Variants in FSIP1 observed in about 807,000 individuals in gnomAD.
FSIP1 encodes fibrous sheath-interacting protein 1.
FSIP1 carries 65 observed loss-of-function variants against 60.9 expected under a neutral mutation model. The observed-to-expected ratio is 1.07, with a 90% CI of 0.87 to 1.31. FSIP1 has a LOEUF of 1.31. Among genes scored for constraint, FSIP1 ranks in the 40% most tolerant of loss-of-function variants. FSIP1 has a pLI of 0.00. For missense variants in FSIP1, 675 were observed against 665.5 expected, an observed-to-expected ratio of 1.01 and a Z score of -0.16; for synonymous variants, 209 against 221.2, an observed-to-expected ratio of 0.94 and a Z score of 0.49.
chr15:39,731,277 T>C (rs948166231), intron 8 of FSIP1, among the ~76,000 whole-genome samples: 4 of 152,058 alleles, frequency 2.6e-5, no homozygotes, highest in African/African-American at 4.8e-5. Context: ...TGCTCTCCCT[T>C]GAAAATAAAC....
At chr15:39,624,549 T>C (rs778785772) in intron 10 of FSIP1, among the ~76,000 whole-genome samples, 1 of 150,380 alleles carries the variant, frequency 6.6e-6, no homozygotes, top group Non-Finnish European at 1.5e-5. Flanking sequence ...GGGGGAAAAA[T>C]AATTGGTGTT....
chr15:39,681,517 G>A (rs1273109369), intron 10 of FSIP1, among the ~76,000 whole-genome samples: 1 of 152,030 alleles, frequency 6.6e-6, no homozygotes, highest in Admixed American at 6.6e-5. Flanking sequence ...GATTAAAAGT[G>A]TCAAAGTGCT....
At chr15:39,760,441 CA>C (rs1410265447) in intron 5 of FSIP1, among the ~76,000 whole-genome samples, 1 of 152,068 alleles carries the variant, frequency 6.6e-6, no homozygotes, top group African/African-American at 2.4e-5. Context: ...CAAGGTGAAA[CA>C]TTACCAATAA....
intron 8 of FSIP1, among the ~76,000 whole-genome samples, chr15:39,728,006 AG>A (rs1473909651): frequency 6.6e-6 from 1 of 152,216 alleles, no homozygotes; most frequent in Non-Finnish European, 1.5e-5. Flanking sequence ...CCAAGCTGAG[AG>A]CCAAATCAAG....
Position 39,694,287 on chromosome 15 carries a change from T to A in FSIP1, c.1188+19157A>T, listed in dbSNP as rs182163609. 3.5e-3 allele frequency among the ~76,000 whole-genome samples: 532 copies of A among 152,282 alleles called. 3 individuals carry two copies. Among genetic ancestry groups the A allele is most frequent in the African/African-American group, 0.012 (508 of 41,564 alleles). ...CTATGAGTTATCACTAGGAATTCCC[T>A]AACTCAGTATCAAGAATATAGAAAT... On this transcript the variant is annotated intron_variant, in intron 10 of 11. Transcript: ENST00000350221.
chr15:39,780,776 A>T (rs1398727321), intron 1 of FSIP1, among the ~76,000 whole-genome samples: 1 of 152,208 alleles, frequency 6.6e-6, no homozygotes, highest in African/African-American at 2.4e-5. Context: ...TGTAGTAAAG[A>T]CAGGTTTCAC....
chr15:39,679,398 C>G (rs1894071578), intron 10 of FSIP1, among the ~76,000 whole-genome samples: 1 of 152,168 alleles, frequency 6.6e-6, no homozygotes, highest in Non-Finnish European at 1.5e-5. Flanking sequence ...TGGTCATAGG[C>G]TCAGCTACTA....
At chr15:39,742,921 G>C (rs1326224058) in intron 5 of FSIP1, among the ~76,000 whole-genome samples, 1 of 151,936 alleles carries the variant, frequency 6.6e-6, no homozygotes, top group Admixed American at 6.6e-5. Context: ...GGGAGAGAGG[G>C]GTAAACTACT....
intron 10 of FSIP1, among the ~76,000 whole-genome samples, chr15:39,673,953 TAG>T (rs924079577): frequency 5.3e-5 from 8 of 152,028 alleles, no homozygotes; most frequent in Non-Finnish European, 1.2e-4. Flanking sequence ...GTCATATAAA[TAG>T]ATTCATAAAA....
chr15:39,714,462 A>AT (rs1237450386), intron 9 of FSIP1, among the ~76,000 whole-genome samples: 1 of 149,970 alleles, frequency 6.7e-6, no homozygotes, highest in Non-Finnish European at 1.5e-5. Context: ...CTACTCCCTC[A>AT]TTCCTTACAT....
intron 1 of FSIP1, among the ~76,000 whole-genome samples, chr15:39,778,606 T>C (rs981823209): frequency 2.8e-4 from 42 of 152,282 alleles, no homozygotes; most frequent in Admixed American, 7.8e-4. Context: ...AAATAAAGCA[T>C]TGTACAAGAA....
intron 1 of FSIP1, among the ~76,000 whole-genome samples, chr15:39,782,252 T>A (rs1431564462): frequency 6.6e-6 from 1 of 152,240 alleles, no homozygotes; most frequent in Non-Finnish European, 1.5e-5. Context: ...AAGTTGAGTC[T>A]CTAATCAATT....
Position 39,770,596 on chromosome 15 carries a change from G to T in FSIP1, c.141C>A (p.Ser47Arg). Residue 47 changes from serine to arginine, a missense_variant, in exon 3 of 12, where the codon AGC becomes AGA. By Grantham distance (110) the Ser-to-Arg change is moderately radical. Transcript: ENST00000350221. ...GGTCCTCTTTACCAGAGTTCAAGTT[G>T]CTTGCAGTATCGACCTAAAAATAAT... ...EPGSFKVDTA[S>R]NLNSGKEDHS... 1.3e-6 allele frequency: 2 copies of T among 1,523,036 alleles called. No individual in the cohort carries two copies. Among genetic ancestry groups the T allele is most frequent in the Non-Finnish European group, 1.8e-6 (2 of 1,138,986 alleles). 94.3% of individuals were successfully genotyped at this position (1,523,036 alleles called of 1,614,324 possible). A position where few individuals can be genotyped will look rare whatever the true frequency, so the allele number is the denominator to read the frequency against.
At chr15:39,705,620 T>C (rs1895230991) in intron 10 of FSIP1, among the ~76,000 whole-genome samples, 1 of 152,160 alleles carries the variant, frequency 6.6e-6, no homozygotes. Flanking sequence ...TGCGCCAATA[T>C]ACGAATATAT....
At chr15:39,707,761 C>T (rs976575972) in intron 10 of FSIP1, among the ~76,000 whole-genome samples, 1 of 152,086 alleles carries the variant, frequency 6.6e-6, no homozygotes, top group Non-Finnish European at 1.5e-5. Flanking sequence ...TGAATTGAAG[C>T]ACATTGGGCT....
downstream of FSIP1, chr15:39,598,183 C>G (rs1890521460): frequency 6.6e-6 from 1 of 152,098 alleles, no homozygotes; most frequent in Non-Finnish European, 1.5e-5. Context: ...TTAATGAAAA[C>G]AGATCAAAGA....
At chr15:39,774,123 C>T (rs1224649382) in intron 2 of FSIP1, among the ~76,000 whole-genome samples, 1 of 152,130 alleles carries the variant, frequency 6.6e-6, no homozygotes, top group African/African-American at 2.4e-5. Flanking sequence ...CCAAATTAAT[C>T]TGTAAAGTCA....
rs544300893 is a variant in FSIP1 at position 39,645,826 on chromosome 15, G to A, written c.1189-27581C>T. ...AGTCCCCAGCTCCAATCTCGGAGCG[G>A]GGTTGGGGCCGAGCCCCAGGGCCAT... On this transcript the variant is annotated intron_variant, in intron 10 of 11. Transcript: ENST00000350221. Among the ~76,000 whole-genome samples, 8 of 152,356 alleles carry A rather than the reference G, an allele frequency of 5.3e-5. No homozygotes were observed. The East Asian group carries it at 1.5e-3, about 29-fold the overall frequency.
chr15:39,640,150 A>G (rs934568050), intron 10 of FSIP1, among the ~76,000 whole-genome samples: 1 of 152,242 alleles, frequency 6.6e-6, no homozygotes, highest in South Asian at 2.1e-4. Flanking sequence ...AATAATGTCA[A>G]TTAACAGGGA....
Sources: allele counts gnomAD v4.1 joint callset (sites outside exome capture counted in the v4.1 genomes callset), GRCh38; gene constraint gnomAD v4.1.1; transcripts MANE v1.5; gene names NCBI Gene and HGNC (gene_info 2026-07-23, HGNC 2026-07-21).